NCAM2: variants seen among roughly 807,000 people sequenced by gnomAD.
NCAM2 encodes the protein N-CAM-2.
NCAM2 carries 30 observed loss-of-function variants against 98.1 expected under a neutral mutation model. The ratio of observed to expected loss-of-function variants is 0.31; its 90% CI spans 0.23 to 0.41. NCAM2 has a LOEUF of 0.41. Among genes scored for constraint, NCAM2 ranks in the 10% least tolerant of loss-of-function variants. The pLI, the probability that NCAM2 is intolerant of heterozygous loss-of-function variation, is 1.00. For synonymous variants in NCAM2, 368 were observed against 342.4 expected (o/e 1.07, Z -0.83); for missense variants, 867 against 1,005.8 (o/e 0.86, Z 1.87).
intron 10 of NCAM2, among the ~76,000 whole-genome samples, chr21:21,411,069 T>TACACAC (rs1555889864): frequency 6.1e-5 from 2 of 32,796 alleles, no homozygotes; most frequent in Admixed American, 3.9e-4. Context: ...TATATATATA[T>TACACAC]ACACACACAT....
At chr21:21,051,750 TC>T (rs2065112712) in intron 1 of NCAM2, among the ~76,000 whole-genome samples, 1 of 152,196 alleles carries the variant, frequency 6.6e-6, no homozygotes, top group South Asian at 2.1e-4. Context: ...CTGTTTCTTT[TC>T]CAAATTTACT....
rs1003192118 is a variant in NCAM2 at position 21,264,690 on chromosome 21, CACAT to C, written c.56-15880_56-15877del. ...ATACACACACACACATATATACACA[CACAT>C]ACATACACACACATACATCATTTTG... On this transcript the variant is annotated intron_variant, in intron 1 of 17. Transcript: ENST00000400546. 2.0e-4 allele frequency among the ~76,000 whole-genome samples: 30 copies of C among 149,086 alleles called. No individual in the cohort carries two copies. In the Middle Eastern group the frequency reaches 0.014, roughly 70 times the overall value.
At chr21:21,102,821 G>A (rs560172319) in intron 1 of NCAM2, among the ~76,000 whole-genome samples, 7 of 152,030 alleles carry the variant, frequency 4.6e-5, no homozygotes, top group African/African-American at 1.7e-4. Flanking sequence ...CAGAAAGACA[G>A]GCACCATTCT....
chr21:21,124,456 G>A (rs1471708931), intron 1 of NCAM2, among the ~76,000 whole-genome samples: 1 of 152,072 alleles, frequency 6.6e-6, no homozygotes. Flanking sequence ...GCTGGAGTAG[G>A]CCTCTAAAAT....
At chr21:21,436,229 A>T (rs1324072075) in intron 12 of NCAM2, among the ~76,000 whole-genome samples, 1 of 152,220 alleles carries the variant, frequency 6.6e-6, no homozygotes. Context: ...TTAACCAAAC[A>T]TACTTTCATT....
At chr21:20,998,789 C>T (rs972245414) in intron 1 of NCAM2, among the ~76,000 whole-genome samples, 171 bp downstream of exon 1, 4 of 152,130 alleles carry the variant, frequency 2.6e-5, no homozygotes, top group African/African-American at 9.7e-5. Flanking sequence ...AAAATTGTAT[C>T]TGTTGTGTGG....
At chr21:21,461,954 A>G (rs1055993831) in intron 12 of NCAM2, among the ~76,000 whole-genome samples, 2 of 152,034 alleles carry the variant, frequency 1.3e-5, no homozygotes, top group Non-Finnish European at 2.9e-5. Flanking sequence ...TAGAAACAGT[A>G]AAAAATTATT....
At chr21:21,073,490 G>A (rs557109915) in intron 1 of NCAM2, among the ~76,000 whole-genome samples, 1 of 152,060 alleles carries the variant, frequency 6.6e-6, no homozygotes, top group Non-Finnish European at 1.5e-5. Context: ...AAACTTCACT[G>A]AAAATACATT....
At chr21:21,311,723 C>G (rs1337982601) in intron 5 of NCAM2, among the ~76,000 whole-genome samples, 1 of 152,116 alleles carries the variant, frequency 6.6e-6, no homozygotes, top group African/African-American at 2.4e-5. Context: ...AGATATCATA[C>G]ATAAATTTTG....
At chr21:21,364,311 C>G (rs1005185237) in intron 8 of NCAM2, among the ~76,000 whole-genome samples, 6 of 151,764 alleles carry the variant, frequency 4.0e-5, no homozygotes, top group African/African-American at 1.5e-4. Context: ...ACAAGACAGC[C>G]TGAGGATCAT....
At chr21:21,174,280 T>A (rs1035554896) in intron 1 of NCAM2, among the ~76,000 whole-genome samples, 7 of 152,142 alleles carry the variant, frequency 4.6e-5, no homozygotes, top group African/African-American at 1.7e-4. Flanking sequence ...TCATATTATG[T>A]GATAGGAGTA....
chr21:21,541,694 G>T lies in NCAM2; in HGVS notation c.*3737G>T, dbSNP rs2146448183. 6.6e-6 allele frequency: 1 copy of T among 151,744 alleles called. No homozygotes were observed. Among genetic ancestry groups the T allele is most frequent in the East Asian group, 1.9e-4 (1 of 5,168 alleles). 9.4% of individuals were successfully genotyped at this position (151,744 alleles called of 1,614,324 possible). A position where few individuals can be genotyped will look rare whatever the true frequency, so the allele number is the denominator to read the frequency against. On this transcript the variant is annotated 3_prime_UTR_variant, in exon 18 of 18. Transcript: ENST00000400546. ...GACGAAAATATGTACAGTTCAAGAA[G>T]TAGAAATAATATTTTCCATTAGTTA...
intron 1 of NCAM2, among the ~76,000 whole-genome samples, chr21:21,278,404 A>C (rs993740876): frequency 7.9e-5 from 12 of 152,142 alleles, no homozygotes. Context: ...AAAATTGTTT[A>C]CTTATTTAAA....
chr21:21,285,381 C>A (rs1301710690), intron 3 of NCAM2, among the ~76,000 whole-genome samples: 4 of 151,922 alleles, frequency 2.6e-5, no homozygotes, highest in South Asian at 2.1e-4. Context: ...TTTGTGGGCA[C>A]ATTGTTGCTC....
intron 12 of NCAM2, among the ~76,000 whole-genome samples, chr21:21,437,621 A>G (rs1445639504): frequency 1.3e-5 from 2 of 151,980 alleles, no homozygotes; most frequent in East Asian, 3.9e-4. Flanking sequence ...TTCAAAACCA[A>G]TCTTGTACAT....
intron 1 of NCAM2, among the ~76,000 whole-genome samples, chr21:21,090,366 G>C (rs2065988564): frequency 6.6e-6 from 1 of 151,912 alleles, no homozygotes; most frequent in Non-Finnish European, 1.5e-5. Context: ...ATGTCAATAG[G>C]CCTAGGGGCC....
At position 21,056,315 on chromosome 21, in the gene NCAM2, A is replaced by T. The variant is rs191379739; in HGVS notation, c.55+57697A>T. Reference sequence around the variant, plus strand: ...AAAACTGTGGAATTCCTATTGGAATAAATGAGCAAATAGATTATATTTGAC... The same window carrying T: ...AAAACTGTGGAATTCCTATTGGAATTAATGAGCAAATAGATTATATTTGAC... On this transcript the variant is annotated intron_variant, in intron 1 of 17. Coordinates refer to ENST00000400546, the MANE Select transcript of NCAM2 (RefSeq NM_004540.5). 1.7e-3 allele frequency among the ~76,000 whole-genome samples: 259 copies of T among 152,238 alleles called. 1 individual carries two copies. Among genetic ancestry groups the T allele is most frequent in the African/African-American group, 6.2e-3 (256 of 41,564 alleles).
At chr21:21,154,295 A>C (rs1039910105) in intron 1 of NCAM2, among the ~76,000 whole-genome samples, 29 of 151,932 alleles carry the variant, frequency 1.9e-4, no homozygotes, top group Admixed American at 5.2e-4. Flanking sequence ...TTTGGTAAAG[A>C]ATGCAGTATG....
chr21:21,511,556 C>A (rs963062496), intron 16 of NCAM2, among the ~76,000 whole-genome samples: 1 of 151,824 alleles, frequency 6.6e-6, no homozygotes, highest in Non-Finnish European at 1.5e-5. Flanking sequence ...CTGCAATAAA[C>A]ATGGGAGTAC....
Sources: gnomAD v4.1 joint callset for allele counts (sites outside exome capture counted in the v4.1 genomes callset) on GRCh38, gnomAD v4.1.1 for gene constraint, MANE v1.5 for transcripts, NCBI Gene and HGNC (gene_info 2026-07-23, HGNC 2026-07-21) for gene names.